PGM1: variants seen among roughly 807,000 people sequenced by gnomAD.
PGM1 encodes the protein phosphoglucomutase-1.
Under a neutral mutation model 55.6 loss-of-function variants are expected in PGM1, and 52 were observed. That is an observed-to-expected ratio of 0.94 (90% CI 0.75 to 1.18). PGM1 has a LOEUF of 1.18. Ranked by LOEUF, PGM1 falls within the 50% of genes most tolerant of loss-of-function variation. The pLI is 0.00. For missense variants in PGM1, 724 were observed against 729.3 expected, an observed-to-expected ratio of 0.99 and a Z score of 0.08; for synonymous variants, 287 against 271.7, an observed-to-expected ratio of 1.06 and a Z score of -0.55.
At chr1:63,593,847 T>G (rs1020224822) in intron 1 of PGM1, 113 bp downstream of exon 1, 305 of 1,304,734 alleles carry the variant, frequency 2.3e-4, no homozygotes, top group Non-Finnish European at 1.3e-4. Context: ...CCGCCTCGGT[T>G]TCCACCTCCC....
intron 7 of PGM1, among the ~76,000 whole-genome samples, chr1:63,640,744 T>C (rs1254417150): frequency 6.6e-6 from 1 of 152,162 alleles, no homozygotes; most frequent in African/African-American, 2.4e-5. Context: ...GAAGCAGCTC[T>C]CAGGTCCTTC....
chr1:63,659,661 A>G lies in PGM1; in HGVS notation c.1675A>G (p.Thr559Ala). 1 of 1,613,446 alleles carries G rather than the reference A, an allele frequency of 6.2e-7. No homozygotes were observed. Among genetic ancestry groups the G allele is most frequent in the Non-Finnish European group, 8.5e-7 (1 of 1,179,402 alleles). ...GGAGAGGACGGGACGCACTGCACCC[A>G]CTGTCATCACCTAAGAAGACAGGCC... ...LQERTGRTAP[T>A]VIT Residue 559 changes from threonine (T) to alanine (A), a missense_variant, in exon 11 of 11, where the codon ACT becomes GCT. Thr to Ala is a moderately conservative substitution (Grantham distance 58). Around this residue, in one of 3 missense-constraint regions of PGM1, gnomAD observed 316 missense variants for 313.1 expected, o/e 1.01. Coordinates refer to ENST00000371084, the MANE Select transcript of PGM1 (RefSeq NM_002633.3).
intron 8 of PGM1, 127 bp from the exon 9 acceptor site, chr1:63,651,542 G>T: frequency 2.6e-5 from 21 of 808,458 alleles, no homozygotes; most frequent in Admixed American, 1.4e-4. Flanking sequence ...TATTTTTTTT[G>T]CCAGCTTCTT....
intron 1 of PGM1, chr1:63,600,258 T>C (rs1290896394): frequency 6.6e-6 from 1 of 152,266 alleles, no homozygotes; most frequent in East Asian, 1.9e-4. Context: ...GCTTCACTAA[T>C]GCTCTTGGTG....
chr1:63,606,239 A>G (rs991711558), intron 1 of PGM1, among the ~76,000 whole-genome samples: 1 of 152,258 alleles, frequency 6.6e-6, no homozygotes, highest in African/African-American at 2.4e-5. Flanking sequence ...TTTCCATGCC[A>G]TAAAAAGCAT....
chr1:63,613,454 T>C (rs1648622358), intron 1 of PGM1, among the ~76,000 whole-genome samples: 1 of 151,996 alleles, frequency 6.6e-6, no homozygotes, highest in Non-Finnish European at 1.5e-5. Context: ...TGCCTCTTCC[T>C]AGCTTCTGGT....
chr1:63,604,527 T>C (rs1473408196), intron 1 of PGM1, among the ~76,000 whole-genome samples: 1 of 152,080 alleles, frequency 6.6e-6, no homozygotes, highest in African/African-American at 2.4e-5. Flanking sequence ...CACAATCCAC[T>C]GGGAAGATCT....
At chr1:63,636,816 G>A (rs1251778245) in intron 6 of PGM1, among the ~76,000 whole-genome samples, 9 of 152,198 alleles carry the variant, frequency 5.9e-5, no homozygotes, top group Non-Finnish European at 7.3e-5. Flanking sequence ...AACAATGGAA[G>A]TACTCAAGAC....
At chr1:63,635,982 A>G (rs1216821530) in intron 5 of PGM1, among the ~76,000 whole-genome samples, 1 of 152,228 alleles carries the variant, frequency 6.6e-6, no homozygotes, top group East Asian at 1.9e-4. Context: ...AGAACAGAGG[A>G]CTCAGCTCAA....
intron 10 of PGM1, among the ~76,000 whole-genome samples, chr1:63,658,474 C>T (rs1650026687): frequency 1.3e-5 from 2 of 150,524 alleles, no homozygotes; most frequent in South Asian, 2.1e-4. Context: ...TGTATTAGGC[C>T]GGGTGCGGTG....
intron 7 of PGM1, among the ~76,000 whole-genome samples, chr1:63,645,310 C>G (rs1649619955): frequency 6.6e-6 from 1 of 152,000 alleles, no homozygotes; most frequent in Non-Finnish European, 1.5e-5. Flanking sequence ...AAATCAAATT[C>G]CTTGCTTAGG....
intron 1 of PGM1, 43 bp from the exon 2 acceptor site, chr1:63,629,382 A>G (rs201867572): frequency 7.4e-5 from 115 of 1,558,766 alleles, no homozygotes; most frequent in Non-Finnish European, 9.0e-5. Context: ...GTGACTCTGG[A>G]TGTATTGATG....
intron 4 of PGM1, among the ~76,000 whole-genome samples, chr1:63,633,939 T>TATTTTTATTTA (rs1649288530): frequency 3.6e-5 from 4 of 109,694 alleles, no homozygotes; most frequent in African/African-American, 1.2e-4. Flanking sequence ...TATATTTTTT[T>TATTTTTATTTA]TTTTTTTTTT....
intron 4 of PGM1, 59 bp downstream of exon 4, chr1:63,631,841 G>C (rs2100984066): frequency 6.5e-7 from 1 of 1,532,600 alleles, no homozygotes; most frequent in Non-Finnish European, 9.0e-7. Context: ...GCCCTCTTCT[G>C]TGTGTATCAT....
At position 63,630,180 on chromosome 1, in the gene PGM1, G is replaced by A. The variant is rs185631395; in HGVS notation, c.556+92G>A. ...TTTTAGTAGAGGGTCTTCAGCTTTG[G>A]AAAGATTTCCGTGAGTGCTCTGTAA... On this transcript the variant is annotated intron_variant, in intron 3 of 10. Coordinates refer to ENST00000371084, the MANE Select transcript of PGM1 (RefSeq NM_002633.3). 5.0e-5 allele frequency: 64 copies of A among 1,282,746 alleles called. No individual in the cohort carries two copies. The African/African-American group carries it at 8.6e-4, about 17-fold the overall frequency. The allele number at this position is 1,282,746 out of a possible 1,614,324, so 79.5% of individuals were successfully genotyped here.
chr1:63,633,866 C>CTG (rs58094821), intron 4 of PGM1, among the ~76,000 whole-genome samples: 893 of 73,276 alleles, frequency 0.012, 14 homozygotes, highest in Non-Finnish European at 0.015. Context: ...GTCTGTGTCT[C>CTG]TGTGTGTGTG....
chr1:63,636,541 G>A (rs184385327), intron 6 of PGM1, among the ~76,000 whole-genome samples, 153 bp downstream of exon 6: 140 of 152,274 alleles, frequency 9.2e-4, no homozygotes, highest in African/African-American at 3.3e-3. Context: ...GGGATGGTTG[G>A]CTTTTTCTGG....
chr1:63,607,933 C>T (rs1648467311), intron 1 of PGM1, among the ~76,000 whole-genome samples: 1 of 152,172 alleles, frequency 6.6e-6, no homozygotes, highest in African/African-American at 2.4e-5. Flanking sequence ...GACATGGCTC[C>T]AGCCAATTTT....
chr1:63,593,954 C>G, intron 1 of PGM1: 4 of 1,206,560 alleles, frequency 3.3e-6, no homozygotes, highest in Non-Finnish European at 4.1e-6. Flanking sequence ...CAGACCTGCT[C>G]GCCTGACTCC....
Sources: gnomAD v4.1 joint callset for allele counts (sites outside exome capture counted in the v4.1 genomes callset) on GRCh38, gnomAD v4.1.1 for gene constraint, gnomAD v4.1.1 regional missense constraint, MANE v1.5 for transcripts, NCBI Gene and HGNC (gene_info 2026-07-23, HGNC 2026-07-21) for gene names.